The following NOC3L variants were observed in gnomAD, a reference collection of about 807,000 sequenced individuals.
NOC3L encodes nucleolar complex protein 3 homolog.
In NOC3L, 85 loss-of-function variants were observed where a neutral mutation model predicts 102.5. The observed-to-expected ratio is 0.83, with a 90% CI of 0.70 to 0.99. The LOEUF is 0.99. Ranked by LOEUF, NOC3L falls within the 50% of genes least tolerant of loss-of-function variation. NOC3L has a pLI of 0.00. For missense variants in NOC3L, 878 were observed against 914.9 expected (o/e 0.96, Z 0.52); for synonymous variants, 303 against 309.4 (o/e 0.98, Z 0.22).
chr10:94,340,178 G>T, intron 16 of NOC3L, 98 bp downstream of exon 16: 1 of 1,024,042 alleles, frequency 9.8e-7, no homozygotes, highest in Non-Finnish European at 1.4e-6. Flanking sequence ...ACCATTTTAT[G>T]TACCTGTTCC....
chr10:94,355,123 T>A, intron 5 of NOC3L, 30 bp from the exon 6 acceptor site: 3 of 1,578,094 alleles, frequency 1.9e-6, no homozygotes, highest in Non-Finnish European at 2.6e-6. Flanking sequence ...CCCTTACATA[T>A]TCCTCTGCTT....
At chr10:94,351,343 T>G (rs938424300) in intron 8 of NOC3L, among the ~76,000 whole-genome samples, 1 of 151,474 alleles carries the variant, frequency 6.6e-6, no homozygotes, top group Non-Finnish European at 1.5e-5. Flanking sequence ...ATAAGCTGGG[T>G]AAATGAGCCA....
the NOC3L span, chr10:94,315,320 T>C: frequency 2.3e-6 from 1 of 442,354 alleles, no homozygotes; most frequent in South Asian, 1.6e-5. Context: ...GGCAGGGGCC[T>C]GAGGAGAAGG....
At chr10:94,317,182 G>A in the NOC3L span, among the ~76,000 whole-genome samples, 5 of 152,186 alleles carry the variant, frequency 3.3e-5, no homozygotes, top group Admixed American at 6.5e-5. Flanking sequence ...TTGAACCCAG[G>A]AGGCAGAGGT....
intron 19 of NOC3L, among the ~76,000 whole-genome samples, chr10:94,335,934 C>T (rs1048588013): frequency 1.3e-5 from 2 of 152,206 alleles, no homozygotes; most frequent in African/African-American, 4.8e-5. Flanking sequence ...GGAAACTTAA[C>T]AGTCAATGTG....
At position 94,350,156 on chromosome 10, in the gene NOC3L, ATGT is replaced by A. The variant is rs759807149; in HGVS notation, c.1082_1084del (p.Asn361del). The A allele has an allele frequency of 6.2e-7, 1 of 1,614,176 alleles. No homozygotes were observed. Among genetic ancestry groups the A allele is most frequent in the East Asian group, 2.2e-5 (1 of 44,886 alleles). ...CATGAGAGGGACAATCAATACGATG[ATGT>A]TGTTGTGAAAGTTAAAATGAGGTAG... On this transcript the variant is annotated inframe_deletion, in exon 9 of 21. Transcript: ENST00000371361.
At chr10:94,325,236 C>G in the NOC3L span, 33 of 696,046 alleles carry the variant, frequency 4.7e-5, no homozygotes, top group African/African-American at 5.1e-4. Context: ...AGGAATGGGA[C>G]CTTAAAACAG....
the NOC3L span, chr10:94,324,972 A>C: frequency 1.9e-6 from 3 of 1,614,056 alleles, no homozygotes; most frequent in East Asian, 4.5e-5. Context: ...AACAGCCCCG[A>C]GGACTTACAT....
intron 10 of NOC3L, among the ~76,000 whole-genome samples, chr10:94,347,214 AT>A (rs2054354703): frequency 6.6e-6 from 1 of 152,186 alleles, no homozygotes; most frequent in South Asian, 2.1e-4. Context: ...ACAGGTTTGT[AT>A]TATTTTGATG....
the NOC3L span, among the ~76,000 whole-genome samples, chr10:94,323,026 A>G: frequency 2.0e-5 from 3 of 152,318 alleles, no homozygotes; most frequent in African/African-American, 7.2e-5. Context: ...GACACTTAGT[A>G]TCTACAGTGA....
chr10:94,322,407 T>C, the NOC3L span, among the ~76,000 whole-genome samples: 1 of 151,694 alleles, frequency 6.6e-6, no homozygotes, highest in Non-Finnish European at 1.5e-5. Context: ...TCCCAGCAGT[T>C]TGGGAGGCTG....
chr10:94,346,448 A>G lies in NOC3L; in HGVS notation c.1366T>C (p.Ser456Pro), dbSNP rs779204281. 6.6e-7 allele frequency: 1 copy of G among 1,510,334 alleles called. No homozygotes were observed. The highest frequency in any genetic ancestry group is 2.3e-5 in the Admixed American group (1 of 43,052). The allele number at this position is 1,510,334 out of a possible 1,614,324, so 93.6% of individuals were successfully genotyped here. A position where few individuals can be genotyped will look rare whatever the true frequency, so the allele number is the denominator to read the frequency against. The stretch of plus-strand genomic sequence containing the variant: ...ACCTTTCTCTGCATTCTTGATAGAG[A>G]TTTTCTCTTTTCTTTGAAAGTCATA... ...KFMTFKEKRK[S>P]LSRMQRKWKK... Residue 456 changes from serine (S) to proline (P), a missense_variant, in exon 11 of 21, where the codon TCT becomes CCT. Physicochemically the swap from Ser to Pro is moderately conservative, Grantham distance 74. Coordinates refer to ENST00000371361, the MANE Select transcript of NOC3L (RefSeq NM_022451.11).
At chr10:94,322,000 C>A in the NOC3L span, 1 of 1,613,964 alleles carries the variant, frequency 6.2e-7, no homozygotes, top group Non-Finnish European at 8.5e-7. Context: ...TTCTCCAGAG[C>A]AACCTCGAAC....
intron 13 of NOC3L, among the ~76,000 whole-genome samples, chr10:94,343,713 T>C (rs183452050): frequency 2.8e-4 from 42 of 152,246 alleles, no homozygotes; most frequent in Admixed American, 6.5e-4. Flanking sequence ...TGTTCGAAAA[T>C]ATGTTATGAA....
At chr10:94,352,801 G>T in intron 7 of NOC3L, 95 bp downstream of exon 7, 1 of 1,069,734 alleles carries the variant, frequency 9.3e-7, no homozygotes, top group Non-Finnish European at 1.4e-6. Context: ...TAGTCTGGGC[G>T]ACAGAGTAAA....
chr10:94,359,815 T>C (rs940497574), intron 2 of NOC3L, among the ~76,000 whole-genome samples: 1 of 151,724 alleles, frequency 6.6e-6, no homozygotes, highest in Admixed American at 6.6e-5. Flanking sequence ...ACAACCACTA[T>C]GGAGAAAAGT....
the NOC3L span, among the ~76,000 whole-genome samples, chr10:94,327,589 A>G: frequency 3.3e-5 from 5 of 152,354 alleles, no homozygotes; most frequent in South Asian, 1.0e-3. Flanking sequence ...AACATATTTC[A>G]TATTTGTTCT....
the NOC3L span, among the ~76,000 whole-genome samples, chr10:94,320,457 A>G: frequency 2.0e-5 from 3 of 152,232 alleles, no homozygotes; most frequent in Non-Finnish European, 4.4e-5. Flanking sequence ...CCCTGGTTGC[A>G]GTTTTGGCGC....
chr10:94,317,246 C>A, the NOC3L span, among the ~76,000 whole-genome samples: 1 of 151,982 alleles, frequency 6.6e-6, no homozygotes, highest in African/African-American at 2.4e-5. Context: ...CAGAACAAGA[C>A]TCTGTCTCAA....
Sources: gnomAD v4.1 joint callset for allele counts (sites outside exome capture counted in the v4.1 genomes callset) on GRCh38, gnomAD v4.1.1 for gene constraint, MANE v1.5 for transcripts, NCBI Gene and HGNC (gene_info 2026-07-23, HGNC 2026-07-21) for gene names.